Variants in FRMPD4 observed in about 807,000 individuals in gnomAD.
FRMPD4 encodes the protein FERM and PDZ domain containing 4, also known as FERM and PDZ domain-containing protein 4.
In FRMPD4, 22 loss-of-function variants were observed where a neutral mutation model predicts 94.1. The ratio of observed to expected loss-of-function variants is 0.23; its 90% CI spans 0.17 to 0.33. The LOEUF (loss-of-function observed/expected upper bound fraction) is 0.33. Ranked by LOEUF, FRMPD4 falls within the 10% of genes least tolerant of loss-of-function variation. The pLI is 1.00. For missense variants in FRMPD4, 1,111 were observed against 1,339.9 expected (o/e 0.83, Z 2.67); for synonymous variants, 631 against 548.6 (o/e 1.15, Z -2.10).
intron 1 of FRMPD4, among the ~76,000 whole-genome samples, chrX:12,226,077 T>G (rs1017753422): frequency 6.3e-5 from 7 of 111,785 alleles, no homozygotes; most frequent in Non-Finnish European, 1.1e-4. Context: ...GTGTTTTCTT[T>G]GTTTCTGTTT....
chrX:12,063,007 G>A (rs920069281), intron 3 of FRMPD4, among the ~76,000 whole-genome samples: 9 of 111,878 alleles, frequency 8.0e-5, no homozygotes, highest in Admixed American at 1.9e-4. Context: ...TGGCTTTATG[G>A]CAATGCTTCT....
chrX:11,932,982 G>A (rs765853594), intron 3 of FRMPD4, among the ~76,000 whole-genome samples: 1 of 112,000 alleles, frequency 8.9e-6, no homozygotes, highest in Non-Finnish European at 1.9e-5. Flanking sequence ...CAGGGGCACT[G>A]CTTTCTCACT....
intron 1 of FRMPD4, among the ~76,000 whole-genome samples, chrX:12,174,719 T>C (rs1394357777): frequency 1.8e-5 from 2 of 111,655 alleles, no homozygotes; most frequent in African/African-American, 6.5e-5. Flanking sequence ...CCTGAAACTT[T>C]ATACTTTTAC....
intron 3 of FRMPD4, among the ~76,000 whole-genome samples, chrX:11,888,770 TA>T (rs1005285637): frequency 3.6e-5 from 4 of 112,024 alleles, no homozygotes; most frequent in South Asian, 3.7e-4. Context: ...GCATTATTTC[TA>T]AAAAAAATGC....
chrX:12,635,720 G>A (rs767479935), intron 4 of FRMPD4, among the ~76,000 whole-genome samples: 54 of 111,701 alleles, frequency 4.8e-4, no homozygotes, highest in African/African-American at 1.7e-3. Flanking sequence ...TTGGGTAGCC[G>A]TTAATAAATG....
At chrX:12,543,037 T>A (rs2058434208) in intron 2 of FRMPD4, among the ~76,000 whole-genome samples, 1 of 112,019 alleles carries the variant, frequency 8.9e-6, no homozygotes, top group Non-Finnish European at 1.9e-5. Flanking sequence ...GCTAGCCATA[T>A]GGAGAAAGCT....
chrX:11,922,519 G>C (rs12832900), intron 3 of FRMPD4, among the ~76,000 whole-genome samples: 30,073 of 111,190 alleles, frequency 0.27, 3,527 homozygotes, highest in East Asian at 0.67. Flanking sequence ...GCTGAAGGGA[G>C]AAAAAGCTGG....
At chrX:12,371,588 G>A (rs1312297390) in intron 1 of FRMPD4, among the ~76,000 whole-genome samples, 2 of 111,886 alleles carry the variant, frequency 1.8e-5, no homozygotes, top group Non-Finnish European at 3.8e-5. Context: ...TGACAGTAAC[G>A]ATTGCAATCA....
At chrX:12,418,587 C>T (rs2056842886) in intron 1 of FRMPD4, among the ~76,000 whole-genome samples, 1 of 109,024 alleles carries the variant, frequency 9.2e-6, no homozygotes, top group Non-Finnish European at 1.9e-5. Context: ...CTCGAACTCC[C>T]GACCTCGTGA....
intron 1 of FRMPD4, among the ~76,000 whole-genome samples, chrX:11,827,086 A>ATATAT (rs57765123): frequency 2.1e-4 from 18 of 84,596 alleles, no homozygotes; most frequent in South Asian, 6.1e-4. Flanking sequence ...ATATATATAT[A>ATATAT]AAATATATAT....
intron 1 of FRMPD4, among the ~76,000 whole-genome samples, chrX:12,252,348 T>C (rs1273508132): frequency 9.0e-6 from 1 of 111,647 alleles, no homozygotes. Flanking sequence ...AGTATAAAAA[T>C]AGACCTGAGA....
intron 2 of FRMPD4, among the ~76,000 whole-genome samples, chrX:12,598,887 G>A (rs774278349): frequency 6.3e-5 from 7 of 111,447 alleles, no homozygotes; most frequent in Admixed American, 1.9e-4. Context: ...AATTATTTAC[G>A]TAAAGATTAT....
At chrX:12,709,358 C>T (rs2041940497) in intron 13 of FRMPD4, among the ~76,000 whole-genome samples, 1 of 112,050 alleles carries the variant, frequency 8.9e-6, no homozygotes, top group Non-Finnish European at 1.9e-5. Context: ...TTCCTTATTT[C>T]TCTCTCACTC....
Position 12,721,304 on chromosome X carries a change from G to A in FRMPD4, c.4735G>A (p.Asp1579Asn). Residue 1579 changes from aspartate (D) to asparagine (N), a missense_variant, in exon 17 of 17, where the codon GAC (aspartate) becomes AAC (asparagine). By Grantham distance (23) the Asp-to-Asn change is conservative (BLOSUM62 1). Around this residue, in one of 8 missense-constraint regions of FRMPD4, gnomAD observed 551 missense variants for 591.6 expected, o/e 0.93. Coordinates refer to ENST00000675598, the MANE Select transcript of FRMPD4 (RefSeq NM_001368397.1). ...AGACCTGCGAGACCCAGATGACTTG[G>A]ACTTCAGCAACCTGGCTTTTGATGC... is the stretch of plus-strand genomic sequence containing the variant. The part of the protein sequence containing the change: ...AEDLRDPDDL[D>N]FSNLAFDARI... 1 of 755,597 alleles carries A rather than the reference G, an allele frequency of 1.3e-6. No individual in the cohort carries two copies. The highest frequency in any genetic ancestry group is 1.6e-6 in the Non-Finnish European group (1 of 638,969). 62.3% of individuals were successfully genotyped at this position (755,597 alleles called of 1,213,427 possible). A position where few individuals can be genotyped will look rare whatever the true frequency, so the allele number is the denominator to read the frequency against.
chrX:11,847,689 A>G (rs1192423160), intron 1 of FRMPD4, among the ~76,000 whole-genome samples: 1 of 110,646 alleles, frequency 9.0e-6, no homozygotes, highest in Non-Finnish European at 1.9e-5. Flanking sequence ...ATACCATGGA[A>G]TACTATGTAG....
chrX:12,371,015 A>T (rs1223466552), intron 1 of FRMPD4, among the ~76,000 whole-genome samples: 1 of 111,922 alleles, frequency 8.9e-6, no homozygotes, highest in African/African-American at 3.2e-5. Flanking sequence ...GCTTCCTGTT[A>T]TTGGATAGGG....
chrX:12,643,057 T>C (rs1337880121), intron 4 of FRMPD4, among the ~76,000 whole-genome samples: 1 of 111,917 alleles, frequency 8.9e-6, no homozygotes, highest in African/African-American at 3.2e-5. Flanking sequence ...ACTCCTGGTC[T>C]ACACCATGAA....
At chrX:11,992,846 T>C (rs1028912647) in intron 3 of FRMPD4, among the ~76,000 whole-genome samples, 8 of 109,743 alleles carry the variant, frequency 7.3e-5, no homozygotes, top group Admixed American at 1.9e-4. Context: ...CTCTTCTTGG[T>C]GGAAGGTAAG....
At chrX:11,965,514 A>G (rs1241903322) in intron 3 of FRMPD4, among the ~76,000 whole-genome samples, 1 of 111,968 alleles carries the variant, frequency 8.9e-6, no homozygotes, top group African/African-American at 3.2e-5. Flanking sequence ...GCCTATTTAG[A>G]TCAATTTACA....
Sources: allele counts gnomAD v4.1 joint callset (sites outside exome capture counted in the v4.1 genomes callset), GRCh38; gene constraint gnomAD v4.1.1; regional missense constraint gnomAD v4.1.1; transcripts MANE v1.5; gene names NCBI Gene and HGNC (gene_info 2026-07-23, HGNC 2026-07-21).